Variants in TENM3 observed in about 807,000 individuals in gnomAD.
The protein encoded by TENM3 is teneurin transmembrane protein 3.
In TENM3, 63 loss-of-function variants were observed where a neutral mutation model predicts 255.1. The ratio of observed to expected loss-of-function variants is 0.25; its 90% CI spans 0.20 to 0.30. The LOEUF is 0.30. Ranked by LOEUF, TENM3 falls within the 10% of genes least tolerant of loss-of-function variation. The pLI is 1.00. For missense variants in TENM3, 2,929 were observed against 3,461.1 expected, an observed-to-expected ratio of 0.85 and a Z score of 3.86; for synonymous variants, 1,306 against 1,322.3, an observed-to-expected ratio of 0.99 and a Z score of 0.27.
the TENM3 span, among the ~76,000 whole-genome samples, chr4:181,831,044 C>A: frequency 9.2e-5 from 14 of 152,206 alleles, no homozygotes; most frequent in East Asian, 1.4e-3. Flanking sequence ...CTCTTTCCAA[C>A]CCCCAAAAAA....
chr4:182,281,878 G>A (rs892225593), intron 1 of TENM3, among the ~76,000 whole-genome samples: 1 of 152,146 alleles, frequency 6.6e-6, no homozygotes, highest in Non-Finnish European at 1.5e-5. Flanking sequence ...TGGTATTACA[G>A]ATGTGTACCA....
the TENM3 span, among the ~76,000 whole-genome samples, chr4:182,069,855 C>A: frequency 2.6e-5 from 4 of 152,126 alleles, no homozygotes; most frequent in Non-Finnish European, 5.9e-5. Context: ...TCTGTCCCCT[C>A]TTCTTCAAGG....
chr4:181,729,605 C>G, the TENM3 span, among the ~76,000 whole-genome samples: 1 of 152,108 alleles, frequency 6.6e-6, no homozygotes, highest in Non-Finnish European at 1.5e-5. Context: ...AATGAAAACC[C>G]CAAATTTGGT....
chr4:182,384,436 G>T (rs1438956883), intron 3 of TENM3, among the ~76,000 whole-genome samples: 2 of 151,644 alleles, frequency 1.3e-5, no homozygotes, highest in African/African-American at 4.8e-5. Flanking sequence ...TACAAACAAA[G>T]AGTATAAACA....
At chr4:182,096,788 A>T in the TENM3 span, among the ~76,000 whole-genome samples, 1 of 152,172 alleles carries the variant, frequency 6.6e-6, no homozygotes, top group African/African-American at 2.4e-5. Flanking sequence ...GAACATGTTG[A>T]ACTGCACCAA....
At chr4:181,815,311 A>T in the TENM3 span, among the ~76,000 whole-genome samples, 1 of 151,398 alleles carries the variant, frequency 6.6e-6, no homozygotes, top group African/African-American at 2.4e-5. Context: ...AAAAAAAAAA[A>T]TCTATCTGGG....
At chr4:181,824,531 C>G in the TENM3 span, among the ~76,000 whole-genome samples, 1 of 152,016 alleles carries the variant, frequency 6.6e-6, no homozygotes, top group African/African-American at 2.4e-5. Context: ...CTCAACTGTC[C>G]ACGTCTAAAA....
At chr4:182,270,740 G>A (rs550610253) in intron 1 of TENM3, among the ~76,000 whole-genome samples, 3 of 152,328 alleles carry the variant, frequency 2.0e-5, no homozygotes, top group East Asian at 1.9e-4. Flanking sequence ...GGAAATGTTT[G>A]TGTATAACCT....
At chr4:181,919,003 C>G in the TENM3 span, among the ~76,000 whole-genome samples, 1 of 152,066 alleles carries the variant, frequency 6.6e-6, no homozygotes, top group Non-Finnish European at 1.5e-5. Context: ...ATCCCCACTC[C>G]CCAAAATAAA....
chr4:181,647,385 A>C, the TENM3 span, among the ~76,000 whole-genome samples: 1 of 152,224 alleles, frequency 6.6e-6, no homozygotes, highest in African/African-American at 2.4e-5. Context: ...AAAAATATCT[A>C]TTTCATGGCA....
the TENM3 span, among the ~76,000 whole-genome samples, chr4:182,003,831 A>C: frequency 2.0e-5 from 3 of 152,106 alleles, no homozygotes; most frequent in East Asian, 5.8e-4. Flanking sequence ...AATTTGAAAA[A>C]TATTTCCCTG....
chr4:181,455,051 A>G, the TENM3 span, among the ~76,000 whole-genome samples: 1 of 152,096 alleles, frequency 6.6e-6, no homozygotes, highest in African/African-American at 2.4e-5. Context: ...TATTGAATAA[A>G]TCTTGTATCC....
chr4:181,939,122 C>G, the TENM3 span, among the ~76,000 whole-genome samples: 5 of 152,100 alleles, frequency 3.3e-5, no homozygotes, highest in Non-Finnish European at 7.4e-5. Context: ...ATCTTGTGCA[C>G]TTTTTCATAC....
the TENM3 span, among the ~76,000 whole-genome samples, chr4:181,782,994 C>T: frequency 0.056 from 8,541 of 151,934 alleles, 444 homozygotes; most frequent in African/African-American, 0.14. Flanking sequence ...GACAGTTTGT[C>T]ATAATTTCTG....
chr4:182,490,806 C>T (rs1282044707), intron 3 of TENM3, among the ~76,000 whole-genome samples: 1 of 152,064 alleles, frequency 6.6e-6, no homozygotes, highest in African/African-American at 2.4e-5. Flanking sequence ...CTGGGGAGCA[C>T]CAGCTCACAC....
At chr4:182,631,937 G>C (rs573685018) in intron 5 of TENM3, among the ~76,000 whole-genome samples, 2 of 152,248 alleles carry the variant, frequency 1.3e-5, no homozygotes, top group African/African-American at 4.8e-5. Context: ...CTGAAAGAGA[G>C]GCAAGGAGGG....
upstream of TENM3, among the ~76,000 whole-genome samples, chr4:182,140,592 T>C (rs1411103757): frequency 6.6e-6 from 1 of 152,152 alleles, no homozygotes; most frequent in Non-Finnish European, 1.5e-5. Flanking sequence ...TCCACAAGTG[T>C]CCTTGGAGAG....
chr4:181,585,491 T>C, the TENM3 span, among the ~76,000 whole-genome samples: 1 of 152,204 alleles, frequency 6.6e-6, no homozygotes, highest in African/African-American at 2.4e-5. Flanking sequence ...GAAAACTGTA[T>C]TTTAAATGTG....
chr4:181,922,664 G>C, the TENM3 span, among the ~76,000 whole-genome samples: 1 of 151,810 alleles, frequency 6.6e-6, no homozygotes, highest in African/African-American at 2.4e-5. Context: ...TATCAATTTT[G>C]TTGATCCTTT....
Sources: gnomAD v4.1 joint callset for allele counts (sites outside exome capture counted in the v4.1 genomes callset) on GRCh38, gnomAD v4.1.1 for gene constraint, MANE v1.5 for transcripts, NCBI Gene and HGNC (gene_info 2026-07-23, HGNC 2026-07-21) for gene names.